Variants in GSE1 observed in about 807,000 individuals in gnomAD.
GSE1 encodes genetic suppressor element 1.
Under a neutral mutation model 112.6 loss-of-function variants are expected in GSE1, and 32 were observed. That is an observed-to-expected ratio of 0.28 (90% CI 0.21 to 0.38). The LOEUF (loss-of-function observed/expected upper bound fraction) is 0.38, where lower values mean the gene tolerates loss of function less well. Ranked by LOEUF, GSE1 falls within the 10% of genes least tolerant of loss-of-function variation. The pLI is 1.00. For synonymous variants in GSE1, 1,115 were observed against 735.6 expected (o/e 1.52, Z -8.35); for missense variants, 2,348 against 1,699.2 (o/e 1.38, Z -6.71).
In GSE1 at chr16:85,676,009, T is replaced by C. The variant is rs1325853912; in HGVS notation, c.*3470T>C. On this transcript the variant is annotated 3_prime_UTR_variant, in exon 16 of 16. Coordinates refer to ENST00000253458, the MANE Select transcript of GSE1 (RefSeq NM_014615.5). ...TATAACAGTAAACCCCATACGCAGG[T>C]GGGAGGGAGGAACACCGGTGCCTCG... The C allele has an allele frequency of 1.3e-5, 2 of 152,598 alleles. No homozygotes were observed. Among genetic ancestry groups the C allele is most frequent in the Non-Finnish European group, 2.9e-5 (2 of 68,038 alleles). The allele number at this position is 152,598 out of a possible 1,614,324, so 9.5% of individuals were successfully genotyped here. A position where few individuals can be genotyped will look rare whatever the true frequency, so the allele number is the denominator to read the frequency against.
At chr16:85,491,800 C>G (rs1198938159) in intron 2 of GSE1, among the ~76,000 whole-genome samples, 2 of 152,194 alleles carry the variant, frequency 1.3e-5, no homozygotes, top group Non-Finnish European at 2.9e-5. Flanking sequence ...GACACTGGGC[C>G]TGGCTGGATG....
At chr16:85,379,766 C>T (rs2047504735) in intron 2 of GSE1, among the ~76,000 whole-genome samples, 1 of 152,246 alleles carries the variant, frequency 6.6e-6, no homozygotes. Context: ...GATCCTGGGC[C>T]CTGCCAGAGC....
intron 1 of GSE1, among the ~76,000 whole-genome samples, chr16:85,295,768 C>CT (rs71151276): frequency 3.0e-5 from 4 of 133,084 alleles, no homozygotes; most frequent in Admixed American, 7.5e-5. Flanking sequence ...TAATTCGTAA[C>CT]TTTTTTTTTT....
intron 2 of GSE1, among the ~76,000 whole-genome samples, chr16:85,388,382 G>A (rs150981914): frequency 0.66 from 23,522 of 35,548 alleles, 9,498 homozygotes; most frequent in East Asian, 0.96. Flanking sequence ...GTGGGTGGAT[G>A]GATGGATGGA....
intron 1 of GSE1, among the ~76,000 whole-genome samples, chr16:85,614,795 T>TA (rs994108168): frequency 6.6e-6 from 1 of 152,096 alleles, no homozygotes; most frequent in Non-Finnish European, 1.5e-5. Flanking sequence ...GCCTGAGGGG[T>TA]AGCGGCCACA....
chr16:85,304,601 C>CGG (rs1290541396), intron 1 of GSE1, among the ~76,000 whole-genome samples: 6,074 of 77,832 alleles, frequency 0.078, 590 homozygotes, highest in East Asian at 0.11. Flanking sequence ...AAGCCGGGGG[C>CGG]GGGGGGGTGG....
At chr16:85,558,663 C>T (rs1360705982) in intron 1 of GSE1, among the ~76,000 whole-genome samples, 5 of 152,196 alleles carry the variant, frequency 3.3e-5, no homozygotes, top group African/African-American at 1.2e-4. Flanking sequence ...ACAAGTAAAT[C>T]TCAGCCTGTG....
At chr16:85,227,546 G>T (rs2143807499) in intron 1 of GSE1, among the ~76,000 whole-genome samples, 1 of 152,326 alleles carries the variant, frequency 6.6e-6, no homozygotes, top group South Asian at 2.1e-4. Flanking sequence ...ATGAGAGTGT[G>T]GCGAGCATGG....
chr16:85,270,375 T>C (rs8044055), intron 1 of GSE1, among the ~76,000 whole-genome samples: 91,660 of 147,930 alleles, frequency 0.62, 32,784 homozygotes, highest in African/African-American at 0.85. Context: ...CTTCTTCTCC[T>C]GGACATTTGT....
intron 1 of GSE1, among the ~76,000 whole-genome samples, chr16:85,270,193 T>C (rs576289667): frequency 4.0e-5 from 6 of 149,122 alleles, no homozygotes; most frequent in African/African-American, 1.2e-4. Context: ...ATCGGCTTCC[T>C]GAGCAGATCC....
rs568543134 is a variant in GSE1 at position 85,495,917 on chromosome 16, G to A, written c.2465-137997G>A. ...CAGAGCAGCTTGTCCTGATAGAAAGGATGCCAGAGCCTGGAGACCTGGGGT... is the reference window on the plus strand; with the variant it reads ...CAGAGCAGCTTGTCCTGATAGAAAGAATGCCAGAGCCTGGAGACCTGGGGT... On this transcript the variant is annotated intron_variant, in intron 2 of 2. Transcript: ENST00000637419. Among the ~76,000 whole-genome samples, 7 of 152,202 alleles carry A rather than the reference G, an allele frequency of 4.6e-5. 1 individual carries two copies. The highest frequency in any genetic ancestry group is 4.6e-4 in the Admixed American group (7 of 15,284).
chr16:85,278,483 T>C (rs142964457), intron 1 of GSE1, among the ~76,000 whole-genome samples: 1,877 of 152,366 alleles, frequency 0.012, 44 homozygotes, highest in African/African-American at 0.038. Context: ...CTGGTCAGAC[T>C]CTATGATCCT....
intron 1 of GSE1, among the ~76,000 whole-genome samples, chr16:85,263,612 G>T (rs991557707): frequency 1.3e-5 from 2 of 149,874 alleles, no homozygotes; most frequent in South Asian, 2.1e-4. Context: ...TCAGTTTGTC[G>T]CCCAGGCTGG....
intron 2 of GSE1, among the ~76,000 whole-genome samples, chr16:85,490,987 G>A (rs370617423): frequency 1.3e-5 from 2 of 152,104 alleles, no homozygotes; most frequent in African/African-American, 4.8e-5. Context: ...TCCCCAACGC[G>A]GGGCTGGACT....
At chr16:85,453,717 C>A (rs576500818) in intron 2 of GSE1, among the ~76,000 whole-genome samples, 2 of 152,266 alleles carry the variant, frequency 1.3e-5, no homozygotes, top group East Asian at 3.9e-4. Context: ...GTGGGGGGAT[C>A]CTACTTCATC....
intron 2 of GSE1, among the ~76,000 whole-genome samples, chr16:85,504,785 C>G (rs974639471): frequency 2.0e-5 from 3 of 152,026 alleles, no homozygotes; most frequent in Non-Finnish European, 4.4e-5. Flanking sequence ...TTTTAATATC[C>G]CAGAACAAGG....
intron 1 of GSE1, among the ~76,000 whole-genome samples, chr16:85,296,929 G>T (rs12934181): frequency 0.25 from 38,622 of 152,058 alleles, 5,597 homozygotes; most frequent in South Asian, 0.45. Flanking sequence ...GGCACGCCCA[G>T]GCTGCTCCCC....
At chr16:85,439,055 A>G (rs2049315664) in intron 2 of GSE1, among the ~76,000 whole-genome samples, 2 of 152,342 alleles carry the variant, frequency 1.3e-5, no homozygotes, top group Admixed American at 1.3e-4. Flanking sequence ...CCAGGGGAAC[A>G]TGAGAGCCTC....
chr16:85,206,413 G>C (rs1355245242), intron 1 of GSE1, among the ~76,000 whole-genome samples: 1 of 152,184 alleles, frequency 6.6e-6, no homozygotes, highest in African/African-American at 2.4e-5. Context: ...AATGAAGCCA[G>C]GTTTTGAGCC....
Sources: allele counts gnomAD v4.1 joint callset (sites outside exome capture counted in the v4.1 genomes callset), GRCh38; gene constraint gnomAD v4.1.1; transcripts MANE v1.5; gene names NCBI Gene and HGNC (gene_info 2026-07-23, HGNC 2026-07-21).